CAP1: variants seen among roughly 807,000 people sequenced by gnomAD.
CAP1 encodes cyclase associated actin cytoskeleton regulatory protein 1, also known as adenylyl cyclase-associated protein 1.
CAP1 carries 11 observed loss-of-function variants against 58.2 expected under a neutral mutation model. The observed-to-expected ratio is 0.19, with a 90% CI of 0.12 to 0.31. The LOEUF (loss-of-function observed/expected upper bound fraction) is 0.31, where lower values mean the gene tolerates loss of function less well. CAP1 is among the 10% of genes least tolerant of loss of function. CAP1 has a pLI of 1.00. For synonymous variants in CAP1, 183 were observed against 213.8 expected, an observed-to-expected ratio of 0.86 and a Z score of 1.26; for missense variants, 423 against 587.5, an observed-to-expected ratio of 0.72 and a Z score of 2.89.
intron 7 of CAP1, among the ~76,000 whole-genome samples, chr1:40,066,830 A>T (rs1557694256): frequency 1.3e-5 from 2 of 152,240 alleles, no homozygotes; most frequent in African/African-American, 4.8e-5. Flanking sequence ...CATGCAGAGT[A>T]AATGTAGAGA....
chr1:40,043,019 G>A (rs143858413), intron 1 of CAP1, among the ~76,000 whole-genome samples: 3 of 152,250 alleles, frequency 2.0e-5, no homozygotes, highest in African/African-American at 7.2e-5. Flanking sequence ...AGTTTGAGGT[G>A]TTTGTAGCAC....
Position 40,059,367 on chromosome 1 carries a change from G to A in CAP1, c.21G>A (p.Leu7=). 6.2e-7 allele frequency: 1 copy of A among 1,612,310 alleles called. No individual in the cohort carries two copies. Among genetic ancestry groups the A allele is most frequent in the Non-Finnish European group, 8.5e-7 (1 of 1,178,422 alleles). The change falls in exon 2 of 13, where the codon CTG becomes CTA. Residue 7 remains leucine, a synonymous_variant. Transcript: ENST00000372805. Reference sequence around the variant, plus strand: ...CCATTATGGCTGACATGCAAAATCTGGTAGAAAGATTGGAGAGGGCAGTGG... The same window carrying A: ...CCATTATGGCTGACATGCAAAATCTAGTAGAAAGATTGGAGAGGGCAGTGG... The part of the protein sequence containing the change: MADMQN[L]VERLERAVGR...
chr1:40,071,991 C>T lies in CAP1; in HGVS notation c.*458C>T, dbSNP rs181113641. ...GGTTCTTCTAACCAAACTAATTTTT[C>T]ACTGTTGACAAGCGAGGCAAGGGTT... On this transcript the variant is annotated 3_prime_UTR_variant, in exon 13 of 13. Transcript: ENST00000372805. 2.8e-4 allele frequency: 114 copies of T among 407,544 alleles called. No homozygotes were observed. In the East Asian group the frequency reaches 3.9e-3, roughly 14 times the overall value. The allele number at this position is 407,544 out of a possible 1,614,324, so 25.2% of individuals were successfully genotyped here.
Position 40,046,711 on chromosome 1 carries a change from A to G in CAP1, c.-11+5910A>G, listed in dbSNP as rs77214173. On this transcript the variant is annotated intron_variant, in intron 1 of 12. Coordinates refer to ENST00000372805, the MANE Select transcript of CAP1 (RefSeq NM_006367.4). ...CTCCTGGGCTACAAACCTGTATAGT[A>G]TGTTACTGTATCTAATACTGTAGGC... Among the ~76,000 whole-genome samples, 166 of 151,962 alleles carry G rather than the reference A, an allele frequency of 1.1e-3. 1 individual carries two copies. In the East Asian group the frequency reaches 0.027, roughly 25 times the overall value.
rs564442597 is a variant in CAP1 at position 40,053,178 on chromosome 1, C to T, written c.-10-6159C>T. Among the ~76,000 whole-genome samples the T allele has an allele frequency of 4.6e-5, 7 of 152,186 alleles. No homozygotes were observed. The East Asian group carries it at 5.8e-4, about 13-fold the overall frequency. ...GGTGGAGGTTGCAGTGATCTGAGAT[C>T]GTGCCACTGTACAGCCAGCCTGGGT... On this transcript the variant is annotated intron_variant, in intron 1 of 12. Coordinates refer to ENST00000372805, the MANE Select transcript of CAP1 (RefSeq NM_006367.4).
chr1:40,050,977 C>A (rs754449165), intron 1 of CAP1, among the ~76,000 whole-genome samples: 3 of 152,132 alleles, frequency 2.0e-5, no homozygotes, highest in Non-Finnish European at 4.4e-5. Flanking sequence ...CAGGCTAACC[C>A]ACTCACATTT....
At chr1:40,049,288 A>G (rs985375480) in intron 1 of CAP1, among the ~76,000 whole-genome samples, 1 of 145,238 alleles carries the variant, frequency 6.9e-6, no homozygotes, top group African/African-American at 2.6e-5. Flanking sequence ...CCTGGATTCA[A>G]GAGATTCTTG....
At chr1:40,049,654 C>T (rs1013898132) in intron 1 of CAP1, among the ~76,000 whole-genome samples, 1 of 152,180 alleles carries the variant, frequency 6.6e-6, no homozygotes, top group Non-Finnish European at 1.5e-5. Context: ...CAAACATTAT[C>T]TCCAGTCTTG....
chr1:40,046,312 T>G (rs1646098884), intron 1 of CAP1, among the ~76,000 whole-genome samples: 1 of 152,170 alleles, frequency 6.6e-6, no homozygotes, highest in Middle Eastern at 3.4e-3. Flanking sequence ...AAAAATTTGC[T>G]GGGTGTGGTG....
Position 40,043,355 on chromosome 1 carries a change from G to T in CAP1, c.-11+2554G>T, listed in dbSNP as rs376215675. 3.3e-5 allele frequency among the ~76,000 whole-genome samples: 5 copies of T among 152,098 alleles called. No homozygotes were observed. In the East Asian group the frequency reaches 9.7e-4, roughly 29 times the overall value. On this transcript the variant is annotated intron_variant, in intron 1 of 12. Coordinates refer to ENST00000372805, the MANE Select transcript of CAP1 (RefSeq NM_006367.4). ...TGGGATTACAGGCGTGCGCCACCAC[G>T]CCCGGCTAATTTTTGTATTTTTAGT...
intron 1 of CAP1, among the ~76,000 whole-genome samples, chr1:40,046,562 CAT>C (rs939005377): frequency 6.6e-6 from 1 of 152,134 alleles, no homozygotes; most frequent in Non-Finnish European, 1.5e-5. Flanking sequence ...ATTATACAGT[CAT>C]GTGTTGCTTA....
intron 1 of CAP1, among the ~76,000 whole-genome samples, chr1:40,056,795 G>A (rs1423791250): frequency 6.6e-6 from 1 of 152,022 alleles, no homozygotes; most frequent in African/African-American, 2.4e-5. Context: ...AAGAAAAGGT[G>A]TGTCTTTCAC....
rs757325298 is a variant in CAP1 at position 40,059,436 on chromosome 1, G to T, written c.90G>T (p.Gly30=). 1.2e-6 allele frequency: 2 copies of T among 1,608,908 alleles called. No individual in the cohort carries two copies. Among genetic ancestry groups the T allele is most frequent in the Non-Finnish European group, 1.7e-6 (2 of 1,175,304 alleles). ...CTCATACCTCTGACATGCACCGTGG[G>T]TATGCAGACAGTCCTTCAAAAGGTA... ...AVSHTSDMHR[G]YADSPSKAGA... The change falls in exon 2 of 13, where the codon GGG becomes GGT. Residue 30 remains glycine (G), a synonymous_variant. Coordinates refer to ENST00000372805, the MANE Select transcript of CAP1 (RefSeq NM_006367.4).
intron 1 of CAP1, among the ~76,000 whole-genome samples, chr1:40,054,410 A>G (rs1646521656): frequency 1.3e-5 from 2 of 152,078 alleles, no homozygotes; most frequent in African/African-American, 4.8e-5. Context: ...TCCTGAGCTC[A>G]GGCAATCCAC....
intron 8 of CAP1, among the ~76,000 whole-genome samples, chr1:40,068,966 G>A (rs1647284866): frequency 6.6e-6 from 1 of 151,944 alleles, no homozygotes; most frequent in Non-Finnish European, 1.5e-5. Flanking sequence ...CTAAATAGCT[G>A]GGACTACAGC....
At chr1:40,062,291 A>T (rs1261245366) in intron 4 of CAP1, among the ~76,000 whole-genome samples, 1 of 152,122 alleles carries the variant, frequency 6.6e-6, no homozygotes, top group Non-Finnish European at 1.5e-5. Flanking sequence ...AATTAGAGAA[A>T]ATTTAGATTT....
At chr1:40,052,089 C>T (rs1239287453) in intron 1 of CAP1, among the ~76,000 whole-genome samples, 1 of 152,142 alleles carries the variant, frequency 6.6e-6, no homozygotes, top group African/African-American at 2.4e-5. Context: ...TTTCTAGGTG[C>T]TGGGAGATAG....
At chr1:40,054,193 C>T (rs967623339) in intron 1 of CAP1, among the ~76,000 whole-genome samples, 16 of 136,380 alleles carry the variant, frequency 1.2e-4, no homozygotes, top group East Asian at 6.6e-4. Flanking sequence ...GCCCACTGTT[C>T]TTTTTTTTTT....
chr1:40,050,579 A>G (rs565959367), intron 1 of CAP1, among the ~76,000 whole-genome samples: 238 of 151,948 alleles, frequency 1.6e-3, no homozygotes, highest in African/African-American at 5.6e-3. Context: ...GAATCGCTTG[A>G]ACCTGGAAGG....
Sources: gnomAD v4.1 joint callset for allele counts (sites outside exome capture counted in the v4.1 genomes callset) on GRCh38, gnomAD v4.1.1 for gene constraint, MANE v1.5 for transcripts, NCBI Gene and HGNC (gene_info 2026-07-23, HGNC 2026-07-21) for gene names.